UBE2L5: variants seen among roughly 807,000 people sequenced by gnomAD.
The protein encoded by UBE2L5 is ubiquitin conjugating enzyme E2 L5.
A neutral mutation model predicts 10.0 loss-of-function variants in UBE2L5; 3 were observed. That is an observed-to-expected ratio of 0.30 (90% confidence interval 0.14 to 0.78). The LOEUF (loss-of-function observed/expected upper bound fraction) is 0.78. Among genes scored for constraint, UBE2L5 ranks in the 30% least tolerant of loss-of-function variants. The pLI, the probability that UBE2L5 is intolerant of heterozygous loss-of-function variation, is 0.65. For missense variants in UBE2L5, 131 were observed against 193.3 expected (o/e 0.68, Z 1.91); for synonymous variants, 60 against 71.9 (o/e 0.83, Z 0.83).
At chr13:30,423,788 G>A (rs929627541) in intron 1 of UBE2L5, among the ~76,000 whole-genome samples, 1 of 152,208 alleles carries the variant, frequency 6.6e-6, no homozygotes, top group South Asian at 2.1e-4. Flanking sequence ...ATTGAAAGAC[G>A]ATGCAATGCA....
intron 1 of UBE2L5, among the ~76,000 whole-genome samples, chr13:30,422,988 T>G (rs1885486922): frequency 6.6e-6 from 1 of 152,226 alleles, no homozygotes; most frequent in Non-Finnish European, 1.5e-5. Context: ...ACCTAATTAA[T>G]TATTCCATAG....
Position 30,428,278 on chromosome 13 carries a change from G to A in UBE2L5, c.288G>A (p.Lys96=). ...CLPVISAENW[K]PATKTDQVIQ... is the part of the protein sequence containing the mutation. ...CAGTAATTAGTGCTGAAAACTGGAA[G>A]CCAGCAACCAAAACCGACCAAGTAA... Residue 96 remains lysine (K), a synonymous_variant, in exon 4 of 4, where the codon AAG becomes AAA. Coordinates refer to ENST00000635918, the MANE Select transcript of UBE2L5 (RefSeq NM_001355247.2). 2 of 1,607,670 alleles carry A rather than the reference G, an allele frequency of 1.2e-6. No individual in the cohort carries two copies. The highest frequency in any genetic ancestry group is 1.7e-6 in the Non-Finnish European group (2 of 1,176,550).
intron 2 of UBE2L5, among the ~76,000 whole-genome samples, chr13:30,426,073 G>A (rs1885534543): frequency 6.6e-6 from 1 of 152,148 alleles, no homozygotes; most frequent in South Asian, 2.1e-4. Context: ...CACTTTGGGA[G>A]GCCAAGGCAG....
rs901320061 is a variant in UBE2L5, at chr13:30,427,697, G to A, written c.-294G>A. ...CACGTGCCTGTAATCACAGCCACTT[G>A]GGAGGCCGAGGCGAGAGGATGGCTT... On this transcript the variant is annotated 5_prime_UTR_variant, in exon 4 of 4. Transcript: ENST00000635918. 1.0e-5 allele frequency: 4 copies of A among 400,822 alleles called. No individual in the cohort carries two copies. The highest frequency in any genetic ancestry group is 6.2e-5 in the African/African-American group (3 of 48,410). 24.8% of individuals were successfully genotyped at this position (400,822 alleles called of 1,614,324 possible). A position where few individuals can be genotyped will look rare whatever the true frequency, so the allele number is the denominator to read the frequency against.
Position 30,428,292 on chromosome 13 carries a change from C to T in UBE2L5, c.302C>T (p.Thr101Ile), listed in dbSNP as rs567886445. 1 of 1,608,396 alleles carries T rather than the reference C, an allele frequency of 6.2e-7. No homozygotes were observed. Among genetic ancestry groups the T allele is most frequent in the Non-Finnish European group, 8.5e-7 (1 of 1,177,022 alleles). The change falls in exon 4 of 4, where the codon ACC (threonine) becomes ATC (isoleucine). Residue 101 changes from threonine (T) to isoleucine (I), a missense_variant. Coordinates refer to ENST00000635918, the MANE Select transcript of UBE2L5 (RefSeq NM_001355247.2). ...SAENWKPATK[T>I]DQVIQSLIAL... ...GAAAACTGGAAGCCAGCAACCAAAA[C>T]CGACCAAGTAATCCAGTCCCTCATA...
At chr13:30,425,907 G>A (rs544217750) in intron 2 of UBE2L5, among the ~76,000 whole-genome samples, 2 of 151,940 alleles carry the variant, frequency 1.3e-5, no homozygotes, top group Non-Finnish European at 2.9e-5. Context: ...CCAGCTACTC[G>A]GGAGGCCGAG....
intron 2 of UBE2L5, among the ~76,000 whole-genome samples, chr13:30,425,543 T>C (rs1885524918): frequency 3.3e-5 from 5 of 152,174 alleles, no homozygotes; most frequent in Admixed American, 3.3e-4. Flanking sequence ...CCAAAGACAG[T>C]CGCTCCTCCC....
intron 1 of UBE2L5, among the ~76,000 whole-genome samples, chr13:30,423,464 G>A (rs774566348): frequency 7.9e-5 from 12 of 152,264 alleles, no homozygotes; most frequent in South Asian, 2.1e-4. Flanking sequence ...TACAGTATTA[G>A]CTGGGTGTGG....
chr13:30,425,632 C>T (rs1885526616), intron 2 of UBE2L5, among the ~76,000 whole-genome samples: 1 of 152,256 alleles, frequency 6.6e-6, no homozygotes, highest in African/African-American at 2.4e-5. Context: ...CAGACACTTA[C>T]CATAGTACCG....
intron 2 of UBE2L5, among the ~76,000 whole-genome samples, chr13:30,425,648 GTGTTCAT>G (rs1358468054): frequency 1.3e-5 from 2 of 152,222 alleles, no homozygotes; most frequent in African/African-American, 4.8e-5. Flanking sequence ...TACCGTTTAG[GTGTTCAT>G]CACATACTTG....
At position 30,427,747 on chromosome 13, in the gene UBE2L5, T is replaced by G. The variant is rs1481069489; in HGVS notation, c.-244T>G. The G allele has an allele frequency of 2.1e-6, 1 of 484,382 alleles. No homozygotes were observed. Among genetic ancestry groups the G allele is most frequent in the Non-Finnish European group, 3.6e-6 (1 of 277,872 alleles). The allele number at this position is 484,382 out of a possible 1,614,324, so 30.0% of individuals were successfully genotyped here. ...TGAACCCGGGAGGCTGAGGTTGCAA[T>G]GAGCAGAGATGGTGCCACTGCACTC... On this transcript the variant is annotated 5_prime_UTR_variant, in exon 4 of 4. It removes an upstream start codon present in the reference 5' UTR. Transcript: ENST00000635918.
Position 30,427,589 on chromosome 13 carries a change from C to G in UBE2L5, c.-402C>G. 5.2e-6 allele frequency: 1 copy of G among 192,612 alleles called. No individual in the cohort carries two copies. The allele number at this position is 192,612 out of a possible 1,614,324, so 11.9% of individuals were successfully genotyped here. ...CTAACGCGGGCGGATCACTTGAGGT[C>G]AGGAGTTCGAGACTAGCCAGGCCAA... On this transcript the variant is annotated 5_prime_UTR_variant, in exon 4 of 4. Transcript: ENST00000635918.
At chr13:30,426,113 C>T (rs1285057095) in intron 2 of UBE2L5, among the ~76,000 whole-genome samples, 4 of 151,994 alleles carry the variant, frequency 2.6e-5, no homozygotes, top group Admixed American at 2.6e-4. Context: ...GAGTTTGAGA[C>T]CAGCCTGGCC....
Position 30,428,320 on chromosome 13 carries a change from A to C in UBE2L5, c.330A>C (p.Ala110=). 3 of 1,609,956 alleles carry C rather than the reference A, an allele frequency of 1.9e-6. No individual in the cohort carries two copies. ...KTDQVIQSLI[A]LVNDPQPEHP... ...ACCAAGTAATCCAGTCCCTCATAGC[A>C]CTGGTGAATGACCCGCAGCCCGAGC... Residue 110 remains alanine (A), a synonymous_variant, in exon 4 of 4, where the codon GCA becomes GCC. Transcript: ENST00000635918.
chr13:30,428,626 TG>T lies in UBE2L5; in HGVS notation c.*172del, dbSNP rs748944607. On this transcript the variant is annotated 3_prime_UTR_variant, in exon 4 of 4. Transcript: ENST00000635918. ...TTAATTAAAAGTGGTCTAGGTAACC[TG>T]TAAAGAAAGGATTAAAAATTTAAGA... 109 of 673,618 alleles carry T rather than the reference TG, an allele frequency of 1.6e-4. No individual in the cohort carries two copies. The highest frequency in any genetic ancestry group is 2.3e-4 in the Non-Finnish European group (98 of 425,954). 41.7% of individuals were successfully genotyped at this position (673,618 alleles called of 1,614,324 possible). A position where few individuals can be genotyped will look rare whatever the true frequency, so the allele number is the denominator to read the frequency against.
intron 2 of UBE2L5, among the ~76,000 whole-genome samples, chr13:30,425,214 G>T (rs978320982): frequency 1.3e-5 from 2 of 152,228 alleles, no homozygotes; most frequent in Non-Finnish European, 2.9e-5. Flanking sequence ...ATTGGCCACA[G>T]TTGTTCAAGT....
Position 30,428,619 on chromosome 13 carries a change from G to T in UBE2L5, c.*164G>T. ...AGTTTTCTTAATTAAAAGTGGTCTA[G>T]GTAACCTGTAAAGAAAGGATTAAAA... On this transcript the variant is annotated 3_prime_UTR_variant, in exon 4 of 4. Transcript: ENST00000635918. 1 of 713,392 alleles carries T rather than the reference G, an allele frequency of 1.4e-6. No individual in the cohort carries two copies. Among genetic ancestry groups the T allele is most frequent in the Non-Finnish European group, 2.2e-6 (1 of 456,114 alleles). 44.2% of individuals were successfully genotyped at this position (713,392 alleles called of 1,614,324 possible).
intron 1 of UBE2L5, among the ~76,000 whole-genome samples, chr13:30,423,669 A>G: frequency 6.6e-6 from 1 of 152,368 alleles, no homozygotes; most frequent in African/African-American, 2.4e-5. Context: ...AAGATCACTC[A>G]AAAACCAGAA....
In UBE2L5 at chr13:30,427,704, C is replaced by T. The variant is rs377522579; in HGVS notation, c.-287C>T. On this transcript the variant is annotated 5_prime_UTR_variant, in exon 4 of 4. The change creates a premature stop within an existing upstream ORF in the 5' untranslated region. Transcript: ENST00000635918. The stretch of plus-strand genomic sequence containing the variant: ...CTGTAATCACAGCCACTTGGGAGGC[C>T]GAGGCGAGAGGATGGCTTGAACCCG... 115 of 407,700 alleles carry T rather than the reference C, an allele frequency of 2.8e-4. 1 individual carries two copies. The highest frequency in any genetic ancestry group is 6.6e-4 in the Middle Eastern group (1 of 1,514). 25.3% of individuals were successfully genotyped at this position (407,700 alleles called of 1,614,324 possible).
Sources: allele counts gnomAD v4.1 joint callset (sites outside exome capture counted in the v4.1 genomes callset), GRCh38; gene constraint gnomAD v4.1.1; transcripts MANE v1.5; gene names NCBI Gene and HGNC (gene_info 2026-07-23, HGNC 2026-07-21).